Variants in RAB28 observed in about 807,000 individuals in gnomAD.
The protein encoded by RAB28 is ras-related protein Rab-28.
In RAB28, 24 loss-of-function variants were observed where a neutral mutation model predicts 31.7. The ratio of observed to expected loss-of-function variants is 0.76; its 90% CI spans 0.55 to 1.06. The LOEUF is 1.06. Among genes scored for constraint, RAB28 ranks in the 50% least tolerant of loss-of-function variants. The pLI is 0.00. For missense variants in RAB28, 254 were observed against 258.5 expected (o/e 0.98, Z 0.12); for synonymous variants, 100 against 90.4 (o/e 1.11, Z -0.60).
chr4:13,410,063 T>C lies in RAB28; in HGVS notation c.392-28469A>G, dbSNP rs181057946. 1.8e-4 allele frequency among the ~76,000 whole-genome samples: 28 copies of C among 152,214 alleles called. No individual in the cohort carries two copies. In the East Asian group the frequency reaches 5.0e-3, roughly 27 times the overall value. On this transcript the variant is annotated intron_variant, in intron 4 of 6. Transcript: ENST00000330852. ...GTGTAGCACCTCCCCCTACTCCCAC[T>C]GCCATGTGAAGACATGCTTGCTTCC...
chr4:13,462,679 G>C (rs768723188), intron 3 of RAB28, among the ~76,000 whole-genome samples: 6 of 152,126 alleles, frequency 3.9e-5, no homozygotes, highest in Non-Finnish European at 8.8e-5. Flanking sequence ...ATTTGAGTTA[G>C]ATGGTCTCTA....
intron 4 of RAB28, among the ~76,000 whole-genome samples, chr4:13,388,578 A>G (rs1322043641): frequency 6.6e-6 from 1 of 152,102 alleles, no homozygotes; most frequent in Admixed American, 6.6e-5. Context: ...CACAGTGAAG[A>G]CACAACCTAC....
chr4:13,370,251 G>T (rs961724419), intron 6 of RAB28: 2 of 964,948 alleles, frequency 2.1e-6, no homozygotes, highest in East Asian at 1.1e-4. Flanking sequence ...TTCCCAAATT[G>T]TAAGTTCCAT....
chr4:13,397,979 C>A (rs1018440152), intron 4 of RAB28, among the ~76,000 whole-genome samples: 3 of 151,874 alleles, frequency 2.0e-5, no homozygotes, highest in African/African-American at 7.3e-5. Flanking sequence ...CCACCAAGAG[C>A]AGCAGCCGGT....
At chr4:13,383,028 T>G (rs577051444) in intron 4 of RAB28, among the ~76,000 whole-genome samples, 57 of 151,948 alleles carry the variant, frequency 3.8e-4, no homozygotes, top group African/African-American at 1.3e-3. Flanking sequence ...TTGTTTTTTT[T>G]GCTCTTCTGG....
chr4:13,445,374 T>C (rs533242286), intron 4 of RAB28, among the ~76,000 whole-genome samples: 1 of 152,038 alleles, frequency 6.6e-6, no homozygotes, highest in Non-Finnish European at 1.5e-5. Context: ...TGTCAGTTCA[T>C]CCGTCTCAGC....
At chr4:13,392,948 C>G (rs1364909461) in intron 4 of RAB28, among the ~76,000 whole-genome samples, 2 of 152,056 alleles carry the variant, frequency 1.3e-5, no homozygotes, top group East Asian at 3.9e-4. Context: ...AATAAATACA[C>G]AAAAAGCAAT....
chr4:13,419,278 T>G (rs1577195226), intron 4 of RAB28, among the ~76,000 whole-genome samples: 1 of 152,260 alleles, frequency 6.6e-6, no homozygotes, highest in East Asian at 1.9e-4. Context: ...GAAAGAGACT[T>G]AGACTACCAC....
In RAB28 at chr4:13,460,824, A is replaced by T; in HGVS notation, c.266T>A (p.Val89Asp). ...LDKYIYGAQGVLLVYDITNYQ... is the reference protein window; with the variant it reads ...LDKYIYGAQGDLLVYDITNYQ... ...ATTTGTAATATCATATACCAAGAGG[A>T]CTCCCTGTCACAAAAGAGTTACAAA... The change falls in exon 4 of 7, where the codon GTC (valine) becomes GAC (aspartate). Residue 89 changes from valine (V) to aspartate (D), a missense_variant. Val to Asp is a radical substitution (Grantham distance 152). Transcript: ENST00000330852. The T allele has an allele frequency of 6.2e-7, 1 of 1,608,908 alleles. No individual in the cohort carries two copies. Among genetic ancestry groups the T allele is most frequent in the Admixed American group, 1.7e-5 (1 of 58,764 alleles).
At chr4:13,464,648 G>A (rs9998082) in intron 3 of RAB28, among the ~76,000 whole-genome samples, 198 of 152,212 alleles carry the variant, frequency 1.3e-3, no homozygotes, top group African/African-American at 4.5e-3. Context: ...AAACAAGGAT[G>A]CTAGAGGAAT....
intron 4 of RAB28, among the ~76,000 whole-genome samples, chr4:13,424,942 A>C (rs934705268): frequency 6.6e-6 from 1 of 152,140 alleles, no homozygotes; most frequent in African/African-American, 2.4e-5. Flanking sequence ...CCCCACCTCC[A>C]CTTCAATTTA....
chr4:13,483,396 T>C (rs189842699), intron 1 of RAB28, among the ~76,000 whole-genome samples: 4,322 of 152,314 alleles, frequency 0.028, 90 homozygotes, highest in South Asian at 0.059. Flanking sequence ...GACTGACTGC[T>C]TGTATCGAGT....
At chr4:13,383,989 C>A (rs1369208402) in intron 4 of RAB28, among the ~76,000 whole-genome samples, 1 of 152,184 alleles carries the variant, frequency 6.6e-6, no homozygotes, top group Admixed American at 6.5e-5. Context: ...CCACATTATA[C>A]CTCTGCACTG....
intron 4 of RAB28, among the ~76,000 whole-genome samples, chr4:13,385,991 C>A (rs1325770390): frequency 2.0e-5 from 3 of 151,982 alleles, no homozygotes; most frequent in African/African-American, 7.2e-5. Flanking sequence ...AAAGCACAGA[C>A]AACAAAACCA....
At chr4:13,436,544 T>G (rs1434593154) in intron 4 of RAB28, among the ~76,000 whole-genome samples, 5 of 152,052 alleles carry the variant, frequency 3.3e-5, no homozygotes, top group African/African-American at 1.2e-4. Context: ...AAATCAGCAT[T>G]TCTATACACC....
At position 13,437,838 on chromosome 4, in the gene RAB28, CACTACTG is replaced by C. The variant is rs1714208229; in HGVS notation, c.391+22854_391+22860del. On this transcript the variant is annotated intron_variant, in intron 4 of 6. Coordinates refer to ENST00000330852, the MANE Select transcript of RAB28 (RefSeq NM_001017979.3). ...AAACTACCACTCAACCCAGCAATCCCACTACTGACTATCTACACAAAGGAAAATAATT... is the reference window on the plus strand; with the variant it reads ...AAACTACCACTCAACCCAGCAATCCCACTATCTACACAAAGGAAAATAATT... 3.9e-5 allele frequency among the ~76,000 whole-genome samples: 6 copies of C among 152,228 alleles called. No homozygotes were observed. The South Asian group carries it at 1.2e-3, about 32-fold the overall frequency.
Position 13,484,113 on chromosome 4 carries a change from AG to A in RAB28, c.37del (p.Leu13Ter), listed in dbSNP as rs746362842. 6 of 1,601,454 alleles carry A rather than the reference AG, an allele frequency of 3.7e-6. No individual in the cohort carries two copies. Among genetic ancestry groups the A allele is most frequent in the African/African-American group, 1.3e-5 (1 of 74,720 alleles). On this transcript the variant is annotated frameshift_variant, in exon 1 of 7. Coordinates refer to ENST00000330852, the MANE Select transcript of RAB28 (RefSeq NM_001017979.3). LOFTEE classifies it high-confidence loss of function. ...GCCGTCCCCCAGCACGACGATTTTC[AG>A]TTGCCGGTCCTGGCTCTCCTCCTCA... ...DSEEESQDRQ[L>X]KIVVLGDGAS...
At chr4:13,389,276 T>C (rs1172828267) in intron 4 of RAB28, among the ~76,000 whole-genome samples, 1 of 152,056 alleles carries the variant, frequency 6.6e-6, no homozygotes, top group East Asian at 1.9e-4. Context: ...AGACAGAAAG[T>C]AGAATAGTGG....
Position 13,469,750 on chromosome 4 carries a change from G to A in RAB28, c.261+4568C>T, listed in dbSNP as rs867259436. Among the ~76,000 whole-genome samples the A allele has an allele frequency of 5.9e-5, 9 of 152,056 alleles. No homozygotes were observed. The South Asian group carries it at 1.7e-3, about 28-fold the overall frequency. On this transcript the variant is annotated intron_variant, in intron 3 of 6. Coordinates refer to ENST00000330852, the MANE Select transcript of RAB28 (RefSeq NM_001017979.3). ...CTTGCTCTGTTCCCCAGGCTGGAAC[G>A]CAGTCATGGCTCACTGCAGCCTCAA...
Sources: allele counts gnomAD v4.1 joint callset (sites outside exome capture counted in the v4.1 genomes callset), GRCh38; gene constraint gnomAD v4.1.1; transcripts MANE v1.5; gene names NCBI Gene and HGNC (gene_info 2026-07-23, HGNC 2026-07-21).